The following EIF4B variants were observed in gnomAD, a reference collection of about 807,000 sequenced individuals.
EIF4B encodes the protein eukaryotic translation initiation factor 4B.
A neutral mutation model predicts 79.3 loss-of-function variants in EIF4B; 8 were observed. The ratio of observed to expected loss-of-function variants is 0.10; its 90% CI spans 0.06 to 0.18. The LOEUF is 0.18. Ranked by LOEUF, EIF4B falls within the 10% of genes least tolerant of loss-of-function variation. The probability of loss-of-function intolerance (pLI) is 1.00; values close to 1 mark genes in which losing one functional copy is unlikely to be tolerated. For synonymous variants in EIF4B, 238 were observed against 274.7 expected (o/e 0.87, Z 1.32); for missense variants, 515 against 792.4 (o/e 0.65, Z 4.20).
intron 10 of EIF4B, among the ~76,000 whole-genome samples, chr12:53,035,011 G>GA (rs1943515633): frequency 2.4e-5 from 2 of 84,354 alleles, no homozygotes; most frequent in African/African-American, 9.9e-5. Context: ...TGACATCTTT[G>GA]AATGTTGTTT....
At position 53,012,469 on chromosome 12, in the gene EIF4B, G is replaced by A. The variant is rs368452801; in HGVS notation, c.14-4004G>A. Among the ~76,000 whole-genome samples the A allele has an allele frequency of 1.1e-3, 173 of 151,278 alleles. 6 individuals carry two copies. The South Asian group carries it at 0.035, about 31-fold the overall frequency. On this transcript the variant is annotated intron_variant, in intron 1 of 14. Transcript: ENST00000262056. ...CTTGGGAGGCTGAGGCAGGAGAATC[G>A]CTTGAACCCGGGAGGCGGAGGTTTC...
intron 1 of EIF4B, among the ~76,000 whole-genome samples, chr12:53,011,277 G>T (rs1038880735): frequency 6.6e-6 from 1 of 152,066 alleles, no homozygotes; most frequent in Non-Finnish European, 1.5e-5. Flanking sequence ...ATTTGGTGGG[G>T]TTTAGTATAT....
chr12:53,006,778 C>T (rs950764768), intron 1 of EIF4B, among the ~76,000 whole-genome samples: 3 of 151,872 alleles, frequency 2.0e-5, no homozygotes, highest in Non-Finnish European at 4.4e-5. Context: ...GAAGGAGGCG[C>T]AGAAAGGTGT....
At position 53,038,365 on chromosome 12, in the gene EIF4B, A is replaced by C. The variant is rs1272435533; in HGVS notation, c.1530A>C (p.Gly510=). The change falls in exon 12 of 15, where the codon GGA becomes GGC. Residue 510 remains glycine (G), a synonymous_variant. Coordinates refer to ENST00000262056, the MANE Select transcript of EIF4B (RefSeq NM_001417.7). The part of the protein sequence containing the change: ...TEQQSPTSGG[G]KVAPAQPSEE... Reference sequence around the variant, plus strand: ...CCTGTTTTCCTTCTAGTGGTGGGGGAAAAGTAGCTCCAGCTCAACCATCTG... The same window carrying C: ...CCTGTTTTCCTTCTAGTGGTGGGGGCAAAGTAGCTCCAGCTCAACCATCTG... The C allele has an allele frequency of 6.3e-7, 1 of 1,592,950 alleles. No homozygotes were observed. The highest frequency in any genetic ancestry group is 8.6e-7 in the Non-Finnish European group (1 of 1,169,146).
chr12:53,022,434 A>G (rs1943260797), intron 5 of EIF4B, 59 bp from the exon 6 acceptor site: 24 of 1,602,234 alleles, frequency 1.5e-5, no homozygotes, highest in Middle Eastern at 3.4e-4. Flanking sequence ...TATGTGTGAG[A>G]AATATTGGGC....
At chr12:53,033,555 A>T (rs552761548) in intron 8 of EIF4B, among the ~76,000 whole-genome samples, 39 of 147,890 alleles carry the variant, frequency 2.6e-4, no homozygotes, top group Non-Finnish European at 1.2e-4. Flanking sequence ...GTTGTCCAGG[A>T]TAGTCTCGAT....
intron 1 of EIF4B, among the ~76,000 whole-genome samples, chr12:53,010,389 A>T (rs1439217779): frequency 6.6e-6 from 1 of 152,216 alleles, no homozygotes; most frequent in African/African-American, 2.4e-5. Context: ...GTTTATCCGG[A>T]TAGTAAATGC....
At chr12:53,019,453 T>A (rs1943209674) in intron 3 of EIF4B, among the ~76,000 whole-genome samples, 7 of 97,300 alleles carry the variant, frequency 7.2e-5, no homozygotes, top group African/African-American at 2.7e-4. Flanking sequence ...TTTTTTTCTT[T>A]TTTTTTTTTT....
rs1490231332 is a variant in EIF4B, at chr12:53,033,893, G to A, written c.1067G>A (p.Arg356Gln). 8.7e-6 allele frequency: 14 copies of A among 1,614,074 alleles called. No individual in the cohort carries two copies. Among genetic ancestry groups the A allele is most frequent in the Non-Finnish European group, 1.1e-5 (13 of 1,179,940 alleles). Residue 356 changes from arginine to glutamine, a missense_variant, in exon 9 of 15, where the codon CGA (arginine) becomes CAA (glutamine). Around this residue, in one of 6 missense-constraint regions of EIF4B, gnomAD observed 187 missense variants for 256.5 expected, o/e 0.73. Coordinates refer to ENST00000262056, the MANE Select transcript of EIF4B (RefSeq NM_001417.7). The stretch of plus-strand genomic sequence containing the variant: ...TCTGCTAGTACCTCCCAGTCCACTC[G>A]AGCTGCTTCTATCTTTGGAGGGGCA... ...DSSASTSQST[R>Q]AASIFGGAKP... is the part of the protein sequence containing the mutation.
At chr12:53,029,767 A>G (rs982541679) in intron 8 of EIF4B, among the ~76,000 whole-genome samples, 4 of 152,196 alleles carry the variant, frequency 2.6e-5, no homozygotes, top group Admixed American at 1.3e-4. Flanking sequence ...CAAGAAAGGA[A>G]AATCGATCTG....
intron 8 of EIF4B, among the ~76,000 whole-genome samples, chr12:53,032,846 T>C (rs1361116304): frequency 1.3e-5 from 2 of 151,836 alleles, no homozygotes; most frequent in Non-Finnish European, 2.9e-5. Flanking sequence ...TAATTTTGTA[T>C]TTTTAGTAGA....
chr12:53,019,091 A>G, intron 3 of EIF4B, 85 bp downstream of exon 3: 1 of 1,444,390 alleles, frequency 6.9e-7, no homozygotes, highest in Non-Finnish European at 9.5e-7. Flanking sequence ...GTTGCTGTTG[A>G]AAAAACAACT....
chr12:53,008,424 A>G (rs1272904134), intron 1 of EIF4B, among the ~76,000 whole-genome samples: 5 of 152,178 alleles, frequency 3.3e-5, no homozygotes, highest in Non-Finnish European at 7.3e-5. Context: ...TTCTTGAGGA[A>G]TCTGGGGTTT....
At chr12:53,020,118 A>G (rs1943224220) in intron 4 of EIF4B, 92 bp downstream of exon 4, 1 of 996,238 alleles carries the variant, frequency 1.0e-6, no homozygotes, top group Admixed American at 2.6e-5. Context: ...TGAGAGGCTC[A>G]CTTCAAAGAT....
intron 10 of EIF4B, among the ~76,000 whole-genome samples, chr12:53,034,954 CTCTTTT>C (rs1419401568): frequency 3.8e-5 from 4 of 104,416 alleles, no homozygotes; most frequent in Admixed American, 2.6e-4. Flanking sequence ...GTTTGTCTCT[CTCTTTT>C]TTTTTTTTTT....
In EIF4B at chr12:53,020,032, G is replaced by T; in HGVS notation, c.477+6G>T. On this transcript the variant is annotated splice_donor_region_variant and intron_variant, in intron 4 of 14. Transcript: ENST00000262056. ...CCCTGAGTCTCAATGAAGAGGTAAA[G>T]AAAATAAGAGTGGGGATATGAGGGG... The T allele has an allele frequency of 6.3e-7, 1 of 1,598,128 alleles. No individual in the cohort carries two copies. The highest frequency in any genetic ancestry group is 1.1e-5 in the South Asian group (1 of 88,350).
intron 5 of EIF4B, 172 bp downstream of exon 5, chr12:53,022,032 A>C: frequency 2.7e-6 from 2 of 729,108 alleles, no homozygotes; most frequent in South Asian, 3.6e-5. Flanking sequence ...AAGACATTGT[A>C]GTTGTCACAA....
chr12:53,027,914 A>C lies in EIF4B; in HGVS notation c.800A>C (p.Asp267Ala). ...GATGACCGAGGCAGCAGAGACTATG[A>C]TAGAGGTAATTGTAAAACATGTCGA... ...RYDDRGSRDYDRGYDSRIGSG... is the reference protein window; with the variant it reads ...RYDDRGSRDYARGYDSRIGSG... Residue 267 changes from aspartate to alanine, a missense_variant, in exon 7 of 15, where the codon GAT becomes GCT. By Grantham distance (126) the Asp-to-Ala change is moderately radical (BLOSUM62 -2). Transcript: ENST00000262056. The C allele has an allele frequency of 6.2e-7, 1 of 1,614,012 alleles. No individual in the cohort carries two copies. The highest frequency in any genetic ancestry group is 8.5e-7 in the Non-Finnish European group (1 of 1,179,906).
chr12:53,031,180 A>T (rs1413962385), intron 8 of EIF4B, among the ~76,000 whole-genome samples: 1 of 150,000 alleles, frequency 6.7e-6, no homozygotes, highest in Non-Finnish European at 1.5e-5. Flanking sequence ...TAATTACCTT[A>T]TTCTCCTGTT....
Sources: allele counts gnomAD v4.1 joint callset (sites outside exome capture counted in the v4.1 genomes callset), GRCh38; gene constraint gnomAD v4.1.1; regional missense constraint gnomAD v4.1.1; transcripts MANE v1.5; gene names NCBI Gene and HGNC (gene_info 2026-07-23, HGNC 2026-07-21).